CRACR2A: variants seen among roughly 807,000 people sequenced by gnomAD.
The protein encoded by CRACR2A is calcium release activated channel regulator 2A, also known as EF-hand calcium-binding domain-containing protein 4B.
In CRACR2A, 79 loss-of-function variants were observed where a neutral mutation model predicts 90.5. The observed-to-expected ratio is 0.87, with a 90% CI of 0.73 to 1.05. The LOEUF is 1.05. Among genes scored for constraint, CRACR2A ranks in the 50% least tolerant of loss-of-function variants. CRACR2A has a pLI of 0.00. For missense variants in CRACR2A, 823 were observed against 897.2 expected (o/e 0.92, Z 1.06); for synonymous variants, 338 against 356.7 (o/e 0.95, Z 0.59).
intron 6 of CRACR2A, among the ~76,000 whole-genome samples, chr12:3,677,079 T>C (rs1171439903): frequency 6.6e-6 from 1 of 151,154 alleles, no homozygotes; most frequent in African/African-American, 2.4e-5. Context: ...AAAGTGCAGA[T>C]GCCCAGTCTC....
At chr12:3,632,142 G>T (rs536701046) in intron 15 of CRACR2A, among the ~76,000 whole-genome samples, 13 of 152,182 alleles carry the variant, frequency 8.5e-5, no homozygotes, top group African/African-American at 2.9e-4. Context: ...TTAGAAGTTT[G>T]TAGTACCTCC....
chr12:3,752,820 G>C (rs1439173199), intron 1 of CRACR2A, among the ~76,000 whole-genome samples, 195 bp downstream of exon 1: 1 of 152,076 alleles, frequency 6.6e-6, no homozygotes, highest in Non-Finnish European at 1.5e-5. Flanking sequence ...AGGGAGGGGA[G>C]CAAGGGCCAG....
intron 6 of CRACR2A, among the ~76,000 whole-genome samples, chr12:3,676,184 G>A (rs925233854): frequency 6.6e-6 from 1 of 152,126 alleles, no homozygotes; most frequent in African/African-American, 2.4e-5. Context: ...ACCTTGCACT[G>A]TACTGGATGT....
At chr12:3,615,519 A>G in intron 19 of CRACR2A, 80 bp from the exon 20 acceptor site, 1 of 1,212,658 alleles carries the variant, frequency 8.2e-7, no homozygotes, top group Non-Finnish European at 1.2e-6. Flanking sequence ...AGCTACCCTC[A>G]GGTTACAGGT....
intron 17 of CRACR2A, among the ~76,000 whole-genome samples, chr12:3,621,307 A>G (rs564308765): frequency 2.6e-5 from 4 of 152,072 alleles, no homozygotes; most frequent in African/African-American, 9.6e-5. Context: ...GGGGTAGGGA[A>G]TGGGTCATAA....
intron 4 of CRACR2A, among the ~76,000 whole-genome samples, chr12:3,682,478 T>C (rs56012913): frequency 0.13 from 20,288 of 152,166 alleles, 1,485 homozygotes; most frequent in Admixed American, 0.21. Flanking sequence ...CAAGTCAGTT[T>C]CCTCCTCCCA....
chr12:3,715,615 GCCAGGAATGTGAAAGTAAAGGTTAAA>G (rs1374290772), intron 2 of CRACR2A, among the ~76,000 whole-genome samples: 1 of 152,170 alleles, frequency 6.6e-6, no homozygotes, highest in Non-Finnish European at 1.5e-5. Context: ...GTCACTGAAG[GCCAGGAATGTGAAAGTAAAGGTTAAA>G]CCAGACAACA....
At chr12:3,666,920 G>A (rs1324568372) in intron 7 of CRACR2A, among the ~76,000 whole-genome samples, 1 of 152,238 alleles carries the variant, frequency 6.6e-6, no homozygotes, top group Non-Finnish European at 1.5e-5. Flanking sequence ...TGAAAGCGTA[G>A]GCTTGGCCTT....
At chr12:3,659,494 T>G (rs533009132) in intron 8 of CRACR2A, 70 bp downstream of exon 8, 1 of 1,454,412 alleles carries the variant, frequency 6.9e-7, no homozygotes, top group South Asian at 1.2e-5. Context: ...ACCAAAATCT[T>G]AAACCTGGGG....
At chr12:3,719,258 A>AT (rs1019902729) in intron 2 of CRACR2A, among the ~76,000 whole-genome samples, 25 of 152,080 alleles carry the variant, frequency 1.6e-4, no homozygotes, top group African/African-American at 2.7e-4. Flanking sequence ...CAGACTTGGG[A>AT]TTTTTTTTAA....
chr12:3,689,283 G>A (rs1945614926), intron 4 of CRACR2A, among the ~76,000 whole-genome samples: 1 of 152,182 alleles, frequency 6.6e-6, no homozygotes, highest in African/African-American at 2.4e-5. Flanking sequence ...TTTTCAAGGG[G>A]AATGCTTCCA....
At chr12:3,742,699 A>G (rs552817561) in intron 1 of CRACR2A, among the ~76,000 whole-genome samples, 42 of 152,366 alleles carry the variant, frequency 2.8e-4, no homozygotes, top group African/African-American at 9.6e-4. Context: ...GACACTGTCT[A>G]TAAGATGGAC....
intron 3 of CRACR2A, among the ~76,000 whole-genome samples, chr12:3,701,903 T>C (rs1945840903): frequency 6.6e-6 from 1 of 152,130 alleles, no homozygotes; most frequent in Admixed American, 6.5e-5. Flanking sequence ...TGAACACAGA[T>C]GTAATCATTC....
At chr12:3,752,351 CACACGGACACACACACACAG>C (rs1479405368) in intron 1 of CRACR2A, among the ~76,000 whole-genome samples, 6 of 24,248 alleles carry the variant, frequency 2.5e-4, no homozygotes, top group Non-Finnish European at 7.7e-4. Flanking sequence ...CACACACACA[CACACGGACACACACACACAG>C]ACACACACAC....
At chr12:3,704,497 C>T (rs934593339) in intron 3 of CRACR2A, among the ~76,000 whole-genome samples, 3 of 152,086 alleles carry the variant, frequency 2.0e-5, no homozygotes, top group Non-Finnish European at 1.5e-5. Context: ...TTTATTCATA[C>T]ACACACACAT....
rs1339253190 is a variant in CRACR2A at position 3,633,773 on chromosome 12, T to C, written c.1603-37A>G. On this transcript the variant is annotated intron_variant, in intron 14 of 19. Transcript: ENST00000440314. The surrounding 1 kb of genome is among the most constrained non-coding windows in gnomAD (Gnocchi z 4.5). ...ACACAATCTGACCAACTGCAGGGAA[T>C]AGTCTTGCCAGCCCCTGCCCCTGCC... 1.0e-5 allele frequency: 16 copies of C among 1,550,754 alleles called. No individual in the cohort carries two copies. The highest frequency in any genetic ancestry group is 3.6e-5 in the South Asian group (3 of 84,036).
rs564546907 is a variant in CRACR2A at position 3,710,179 on chromosome 12, T to C, written c.-37+3058A>G. On this transcript the variant is annotated intron_variant, in intron 3 of 19. Transcript: ENST00000440314. ...CTTTGGAGTCATCTCCCTCTTCTCC[T>C]ACCACGTTCACTTCCTTCCAAAGTA... is the stretch of plus-strand genomic sequence containing the variant. Among the ~76,000 whole-genome samples the C allele has an allele frequency of 6.6e-5, 10 of 152,328 alleles. No individual in the cohort carries two copies. In the East Asian group the frequency reaches 1.9e-3, roughly 29 times the overall value.
chr12:3,678,403 C>T (rs1166330058), intron 6 of CRACR2A, among the ~76,000 whole-genome samples: 2 of 152,128 alleles, frequency 1.3e-5, no homozygotes, highest in East Asian at 1.9e-4. Flanking sequence ...CCGAGGATAC[C>T]GTGTGCAAAT....
chr12:3,729,980 T>G (rs1462356103), intron 2 of CRACR2A: 2 of 152,186 alleles, frequency 1.3e-5, no homozygotes, highest in African/African-American at 4.8e-5. Flanking sequence ...ATTACTCAGA[T>G]AGTGCACAAA....
Sources: gnomAD v4.1 joint callset for allele counts (sites outside exome capture counted in the v4.1 genomes callset) on GRCh38, gnomAD v4.1.1 for gene constraint, Gnocchi (gnomAD v3.1) non-coding constraint, MANE v1.5 for transcripts, NCBI Gene and HGNC (gene_info 2026-07-23, HGNC 2026-07-21) for gene names.